Variants in TPR observed in about 807,000 individuals in gnomAD.
TPR encodes the protein nucleoprotein TPR.
In TPR, 51 loss-of-function variants were observed where a neutral mutation model predicts 316.1. That is an observed-to-expected ratio of 0.16 (90% CI 0.13 to 0.20). The LOEUF (loss-of-function observed/expected upper bound fraction) is 0.20. Among genes scored for constraint, TPR ranks in the 10% least tolerant of loss-of-function variants. TPR has a pLI of 1.00. For synonymous variants in TPR, 981 were observed against 914.7 expected (o/e 1.07, Z -1.31); for missense variants, 2,272 against 2,754.8 (o/e 0.82, Z 3.92).
Position 186,313,532 on chromosome 1 carries a change from CTTTT to C in TPR, c.*435_*438del. 1.7e-6 allele frequency: 1 copy of C among 582,188 alleles called. No homozygotes were observed. Among genetic ancestry groups the C allele is most frequent in the Non-Finnish European group, 3.0e-6 (1 of 330,914 alleles). 36.1% of individuals were successfully genotyped at this position (582,188 alleles called of 1,614,324 possible). A position where few individuals can be genotyped will look rare whatever the true frequency, so the allele number is the denominator to read the frequency against. ...CTGAAAAGTCTAGGCAATTGTTTTT[CTTTT>C]TGTTATAAAGTTCAAATTAATTAGT... On this transcript the variant is annotated 3_prime_UTR_variant, in exon 51 of 51. Transcript: ENST00000367478.
Position 186,352,113 on chromosome 1 carries a change from A to C in TPR, c.2335-3T>G. On this transcript the variant is annotated splice_polypyrimidine_tract_variant and splice_region_variant and intron_variant, in intron 18 of 50. Transcript: ENST00000367478. ...TTCTTCAAATTTTCTGCTCTTACCT[A>C]AACATAAGTAGAAATGAAATAAAAA... is the stretch of plus-strand genomic sequence containing the variant. The C allele has an allele frequency of 6.3e-7, 1 of 1,588,532 alleles. No individual in the cohort carries two copies. Among genetic ancestry groups the C allele is most frequent in the Non-Finnish European group, 8.5e-7 (1 of 1,172,214 alleles).
chr1:186,349,750 A>G (rs1426557211), intron 21 of TPR, among the ~76,000 whole-genome samples: 3 of 152,172 alleles, frequency 2.0e-5, no homozygotes, highest in Non-Finnish European at 4.4e-5. Flanking sequence ...TGTATTTAAA[A>G]AGGGAAGCAA....
chr1:186,337,817 T>G (rs577660539), intron 31 of TPR, among the ~76,000 whole-genome samples: 1 of 152,046 alleles, frequency 6.6e-6, no homozygotes, highest in African/African-American at 2.4e-5. Context: ...TGGAGAGTAT[T>G]TGAAAGGTGA....
In TPR at chr1:186,338,010, TAAGA is replaced by T; in HGVS notation, c.4362+19_4362+22del. 2 of 1,532,314 alleles carry T rather than the reference TAAGA, an allele frequency of 1.3e-6. No homozygotes were observed. Among genetic ancestry groups the T allele is most frequent in the Admixed American group, 2.3e-5 (1 of 43,500 alleles). 94.9% of individuals were successfully genotyped at this position (1,532,314 alleles called of 1,614,324 possible). A position where few individuals can be genotyped will look rare whatever the true frequency, so the allele number is the denominator to read the frequency against. On this transcript the variant is annotated intron_variant, in intron 31 of 50. Transcript: ENST00000367478. ...TAACATTCATCCTAGTTTTTTTTTG[TAAGA>T]TAAGTTTCTTCAAAATACCTTATCC...
Position 186,322,590 on chromosome 1 carries a change from C to T in TPR, c.6298-4G>A, listed in dbSNP as rs201968143. 3.5e-5 allele frequency: 57 copies of T among 1,613,828 alleles called. No individual in the cohort carries two copies. In the Admixed American group the frequency reaches 3.7e-4, roughly 10 times the overall value. On this transcript the variant is annotated splice_polypyrimidine_tract_variant and splice_region_variant and intron_variant, in intron 43 of 50. Coordinates refer to ENST00000367478, the MANE Select transcript of TPR (RefSeq NM_003292.3). ...GCCTTCGGGTCATCTGAATTCTCTGCGTGTCAAGATAAAGGAATTACATTT... is the reference window on the plus strand; with the variant it reads ...GCCTTCGGGTCATCTGAATTCTCTGTGTGTCAAGATAAAGGAATTACATTT...
rs1303773034 is a variant in TPR at position 186,313,342 on chromosome 1, A to T, written c.*629T>A. On this transcript the variant is annotated 3_prime_UTR_variant, in exon 51 of 51. Transcript: ENST00000367478. ...AGAAATCTAAGTTATTCTGCCTGTAATTTCATAATATGAATGACATTGGCA... is the reference window on the plus strand; with the variant it reads ...AGAAATCTAAGTTATTCTGCCTGTATTTTCATAATATGAATGACATTGGCA... 1 of 318,804 alleles carries T rather than the reference A, an allele frequency of 3.1e-6. No individual in the cohort carries two copies. The highest frequency in any genetic ancestry group is 5.8e-6 in the Non-Finnish European group (1 of 171,030). The allele number at this position is 318,804 out of a possible 1,614,324, so 19.7% of individuals were successfully genotyped here. A position where few individuals can be genotyped will look rare whatever the true frequency, so the allele number is the denominator to read the frequency against.
intron 5 of TPR, 71 bp downstream of exon 5, chr1:186,363,271 T>C (rs2101986394): frequency 7.7e-7 from 1 of 1,303,750 alleles, no homozygotes; most frequent in Non-Finnish European, 1.1e-6. Flanking sequence ...ATTGCCTATA[T>C]TTGAAATTTA....
Position 186,333,339 on chromosome 1 carries a change from T to A in TPR, c.5238A>T (p.Gly1746=). 6.2e-7 allele frequency: 1 copy of A among 1,613,638 alleles called. No individual in the cohort carries two copies. The highest frequency in any genetic ancestry group is 1.1e-5 in the South Asian group (1 of 91,070). ...EHVPVFGSTS[G]SVRSTSPNVQ... is the part of the protein sequence containing the mutation. ...CATTAGGACTAGTAGAACGAACGGATCCACTTGTGCTTCCAAAAACTGGAA... is the reference window on the plus strand; with the variant it reads ...CATTAGGACTAGTAGAACGAACGGAACCACTTGTGCTTCCAAAAACTGGAA... Residue 1746 remains glycine, a synonymous_variant, in exon 37 of 51, where the codon GGA becomes GGT. Coordinates refer to ENST00000367478, the MANE Select transcript of TPR (RefSeq NM_003292.3).
At chr1:186,367,168 G>A (rs1046404731) in intron 4 of TPR, among the ~76,000 whole-genome samples, 3 of 146,848 alleles carry the variant, frequency 2.0e-5, no homozygotes, top group African/African-American at 7.6e-5. Context: ...CTGGGTTTAA[G>A]CAATTCTCTG....
Position 186,326,240 on chromosome 1 carries a change from T to C in TPR, c.5890-5A>G, listed in dbSNP as rs778221815. The C allele has an allele frequency of 1.0e-5, 16 of 1,604,714 alleles. No individual in the cohort carries two copies. The South Asian group carries it at 1.8e-4, about 18-fold the overall frequency. On this transcript the variant is annotated splice_polypyrimidine_tract_variant and splice_region_variant and intron_variant, in intron 40 of 50. Transcript: ENST00000367478. ...TTCCTCATCCTCTTCATAATCCTAGTAGAAAGTTCCCCAGGCATAAATAAA... is the reference window on the plus strand; with the variant it reads ...TTCCTCATCCTCTTCATAATCCTAGCAGAAAGTTCCCCAGGCATAAATAAA...
At chr1:186,363,090 G>A in intron 5 of TPR, 89 bp from the exon 6 acceptor site, 1 of 1,359,286 alleles carries the variant, frequency 7.4e-7, no homozygotes, top group Non-Finnish European at 9.9e-7. Context: ...GACACAAGCA[G>A]AATTTTATTT....
chr1:186,369,819 T>C (rs1419201280), intron 3 of TPR, among the ~76,000 whole-genome samples: 1 of 152,154 alleles, frequency 6.6e-6, no homozygotes, highest in African/African-American at 2.4e-5. Flanking sequence ...TTGCATTGGA[T>C]CTTAGTGAAA....
At chr1:186,353,240 CG>C (rs1352334869) in intron 18 of TPR, among the ~76,000 whole-genome samples, 2 of 151,934 alleles carry the variant, frequency 1.3e-5, no homozygotes, top group African/African-American at 2.4e-5. Flanking sequence ...GGTGTGGTGG[CG>C]GGCACCTGTA....
In TPR at chr1:186,318,422, C is replaced by G. The variant is rs370383043; in HGVS notation, c.6821+25G>C. ...ACAAGTCTGTTGAGACTAAAGCAAG[C>G]AAAAACAACAAAATAAACTTTTACC... On this transcript the variant is annotated intron_variant, in intron 48 of 50. Coordinates refer to ENST00000367478, the MANE Select transcript of TPR (RefSeq NM_003292.3). 64 of 1,596,150 alleles carry G rather than the reference C, an allele frequency of 4.0e-5. No homozygotes were observed. In the East Asian group the frequency reaches 6.0e-4, roughly 15 times the overall value.
intron 49 of TPR, 41 bp downstream of exon 49, chr1:186,317,441 G>A: frequency 6.9e-7 from 1 of 1,457,416 alleles, no homozygotes. Context: ...AAACAAGTTT[G>A]ATGTATAAAA....
chr1:186,332,977 G>A (rs1165918784), intron 37 of TPR, 145 bp downstream of exon 37: 15 of 912,688 alleles, frequency 1.6e-5, no homozygotes, highest in Non-Finnish European at 2.1e-5. Flanking sequence ...CTTGTGATAC[G>A]TATTATATCC....
chr1:186,371,748 G>A (rs1558043480), intron 2 of TPR, among the ~76,000 whole-genome samples: 1 of 152,042 alleles, frequency 6.6e-6, no homozygotes, highest in Non-Finnish European at 1.5e-5. Flanking sequence ...TCTATTTAAA[G>A]AGGACCATTA....
rs1256787340 is a variant in TPR, at chr1:186,313,792, G to A, written c.*179C>T. 1.3e-6 allele frequency: 2 copies of A among 1,567,100 alleles called. No individual in the cohort carries two copies. Among genetic ancestry groups the A allele is most frequent in the East Asian group, 2.2e-5 (1 of 44,532 alleles). Reference sequence around the variant, plus strand: ...AACTGTCCTTAGACTGATGAGCAAAGGAGGAGTCAACTAATGAAGAAATGA... The same window carrying A: ...AACTGTCCTTAGACTGATGAGCAAAAGAGGAGTCAACTAATGAAGAAATGA... On this transcript the variant is annotated 3_prime_UTR_variant, in exon 51 of 51. Transcript: ENST00000367478.
chr1:186,348,438 A>G (rs988126896), intron 21 of TPR, among the ~76,000 whole-genome samples: 3 of 152,180 alleles, frequency 2.0e-5, no homozygotes, highest in Non-Finnish European at 2.9e-5. Context: ...TATCAAGACA[A>G]TACATGCAGG....
Sources: allele counts gnomAD v4.1 joint callset (sites outside exome capture counted in the v4.1 genomes callset), GRCh38; gene constraint gnomAD v4.1.1; transcripts MANE v1.5; gene names NCBI Gene and HGNC (gene_info 2026-07-23, HGNC 2026-07-21).